Variants in TRPC4 observed in about 807,000 individuals in gnomAD.
TRPC4 encodes short transient receptor potential channel 4.
A neutral mutation model predicts 99.4 loss-of-function variants in TRPC4; 49 were observed. The observed-to-expected ratio is 0.49, with a 90% CI of 0.39 to 0.63. The LOEUF (loss-of-function observed/expected upper bound fraction) is 0.63. Ranked by LOEUF, TRPC4 falls within the 20% of genes least tolerant of loss-of-function variation. The pLI is 0.00. For missense variants in TRPC4, 898 were observed against 1,152.9 expected, an observed-to-expected ratio of 0.78 and a Z score of 3.20; for synonymous variants, 454 against 425.9, an observed-to-expected ratio of 1.07 and a Z score of -0.81.
chr13:37,750,114 T>G (rs1593654688), intron 2 of TRPC4, among the ~76,000 whole-genome samples: 1 of 147,392 alleles, frequency 6.8e-6, no homozygotes, highest in East Asian at 2.0e-4. Context: ...ATGTCTAGCT[T>G]TCTTTGTTCA....
intron 1 of TRPC4, among the ~76,000 whole-genome samples, chr13:37,834,992 C>T (rs1214946328): frequency 6.6e-6 from 1 of 152,076 alleles, no homozygotes; most frequent in Admixed American, 6.5e-5. Context: ...GTATTGGCCT[C>T]CCAAAGTGCT....
chr13:37,800,896 AT>A (rs777401077), intron 1 of TRPC4, among the ~76,000 whole-genome samples: 62 of 151,932 alleles, frequency 4.1e-4, no homozygotes, highest in Non-Finnish European at 7.4e-4. Context: ...CTTATATTTA[AT>A]GGTTTCGGTT....
intron 1 of TRPC4, among the ~76,000 whole-genome samples, chr13:37,820,398 T>C: frequency 6.6e-6 from 1 of 151,734 alleles, no homozygotes; most frequent in Non-Finnish European, 1.5e-5. Context: ...CTAAAACTAT[T>C]CCCAATAATT....
intron 1 of TRPC4, among the ~76,000 whole-genome samples, chr13:37,841,654 A>T (rs527396163): frequency 1.1e-4 from 16 of 152,252 alleles, no homozygotes; most frequent in Non-Finnish European, 1.8e-4. Flanking sequence ...GTTTAACATC[A>T]TTAGCCATTG....
At chr13:37,750,978 C>T (rs1593657020) in intron 2 of TRPC4, among the ~76,000 whole-genome samples, 1 of 152,006 alleles carries the variant, frequency 6.6e-6, no homozygotes, top group African/African-American at 2.4e-5. Context: ...AAGTTTTCTT[C>T]GTTAAAAGAA....
At chr13:37,691,893 T>G (rs1593523457) in intron 4 of TRPC4, 106 bp downstream of exon 4, 3 of 1,114,844 alleles carry the variant, frequency 2.7e-6, no homozygotes, top group East Asian at 5.1e-5. Context: ...AGTCAGAACC[T>G]ATTCTAAACA....
chr13:37,707,212 C>T (rs1000022211), intron 3 of TRPC4, among the ~76,000 whole-genome samples: 1 of 152,104 alleles, frequency 6.6e-6, no homozygotes, highest in Non-Finnish European at 1.5e-5. Flanking sequence ...ATTCACTACT[C>T]ATATAAAATT....
At chr13:37,777,838 C>A (rs1030292718) in intron 2 of TRPC4, among the ~76,000 whole-genome samples, 7 of 151,866 alleles carry the variant, frequency 4.6e-5, no homozygotes, top group African/African-American at 1.7e-4. Context: ...CAAGAAAAAA[C>A]CAAGGCTCAG....
At chr13:37,866,854 G>GGGGGGGGGGGT (rs556365024) in intron 1 of TRPC4, among the ~76,000 whole-genome samples, 2 of 111,860 alleles carry the variant, frequency 1.8e-5, no homozygotes, top group Admixed American at 1.1e-4. Context: ...TGTGGGGGGG[G>GGGGGGGGGGGT]GCGGGTATAG....
Position 37,632,889 on chromosome 13 carries a change from T to C in TRPC4, c.*4014A>G, listed in dbSNP as rs1022798743. On this transcript the variant is annotated 3_prime_UTR_variant, in exon 11 of 11. Coordinates refer to ENST00000379705, the MANE Select transcript of TRPC4 (RefSeq NM_016179.4). ...AACTTGAATGTTTGGACAACTATAT[T>C]TTCTACAAGGGCAAAGAAGACAAAA... 1.3e-5 allele frequency among the ~76,000 whole-genome samples: 2 copies of C among 152,190 alleles called. No homozygotes were observed. Among genetic ancestry groups the C allele is most frequent in the Non-Finnish European group, 2.9e-5 (2 of 68,038 alleles).
chr13:37,667,458 C>A (rs1004471658), intron 5 of TRPC4, among the ~76,000 whole-genome samples: 2 of 152,158 alleles, frequency 1.3e-5, no homozygotes, highest in Admixed American at 6.6e-5. Flanking sequence ...AGGCACCCAC[C>A]ACCATGCCCA....
At chr13:37,715,620 A>G (rs1329118274) in intron 3 of TRPC4, among the ~76,000 whole-genome samples, 1 of 152,148 alleles carries the variant, frequency 6.6e-6, no homozygotes, top group African/African-American at 2.4e-5. Context: ...AAACAATTTG[A>G]AATATTGCTG....
intron 1 of TRPC4, among the ~76,000 whole-genome samples, chr13:37,865,103 C>T (rs1959649414): frequency 6.6e-6 from 1 of 151,708 alleles, no homozygotes; most frequent in African/African-American, 2.4e-5. Context: ...AGCGCAAATG[C>T]ATATATATGT....
chr13:37,811,317 T>C (rs1957678941), intron 1 of TRPC4, among the ~76,000 whole-genome samples: 1 of 151,658 alleles, frequency 6.6e-6, no homozygotes, highest in Non-Finnish European at 1.5e-5. Context: ...CAACAACAAA[T>C]AGGAAAATAA....
chr13:37,735,498 A>G (rs1183272671), intron 3 of TRPC4, among the ~76,000 whole-genome samples: 2 of 152,190 alleles, frequency 1.3e-5, no homozygotes, highest in African/African-American at 4.8e-5. Context: ...TATAAATGTG[A>G]ACATTTGTAC....
At chr13:37,728,546 T>C (rs1955135733) in intron 3 of TRPC4, among the ~76,000 whole-genome samples, 1 of 152,038 alleles carries the variant, frequency 6.6e-6, no homozygotes, top group Non-Finnish European at 1.5e-5. Context: ...CATGCATAAA[T>C]TGAAAGATGT....
chr13:37,764,751 A>T (rs1271335404), intron 2 of TRPC4, among the ~76,000 whole-genome samples: 1 of 149,502 alleles, frequency 6.7e-6, no homozygotes, highest in African/African-American at 2.4e-5. Flanking sequence ...TTGGTTTGCT[A>T]AAGTTTTTTT....
chr13:37,717,643 C>G (rs951080820), intron 3 of TRPC4, among the ~76,000 whole-genome samples: 1 of 151,962 alleles, frequency 6.6e-6, no homozygotes, highest in Admixed American at 6.6e-5. Context: ...GGTGTAAATG[C>G]AGAAAGAAGA....
rs534844502 is a variant in TRPC4, at chr13:37,647,127, G to T, written c.2079+4138C>A. Among the ~76,000 whole-genome samples, 85 of 152,228 alleles carry T rather than the reference G, an allele frequency of 5.6e-4. No individual in the cohort carries two copies. The South Asian group carries it at 6.4e-3, about 12-fold the overall frequency. Reference sequence around the variant, plus strand: ...AGCACGATAAGATCATCAATAATGGGCTCCTAGAGAGTGGCCAATGTAGCA... The same window carrying T: ...AGCACGATAAGATCATCAATAATGGTCTCCTAGAGAGTGGCCAATGTAGCA... On this transcript the variant is annotated intron_variant, in intron 8 of 10. Coordinates refer to ENST00000379705, the MANE Select transcript of TRPC4 (RefSeq NM_016179.4).
Sources: allele counts gnomAD v4.1 joint callset (sites outside exome capture counted in the v4.1 genomes callset), GRCh38; gene constraint gnomAD v4.1.1; transcripts MANE v1.5; gene names NCBI Gene and HGNC (gene_info 2026-07-23, HGNC 2026-07-21).